Variants in RARB observed in about 807,000 individuals in gnomAD.
RARB encodes the protein retinoic acid receptor beta.
Under a neutral mutation model 51.9 loss-of-function variants are expected in RARB, and 17 were observed. That is an observed-to-expected ratio of 0.33 (90% confidence interval 0.22 to 0.49). The LOEUF (loss-of-function observed/expected upper bound fraction) is 0.49. Ranked by LOEUF, RARB falls within the 20% of genes least tolerant of loss-of-function variation. RARB has a pLI of 0.99. For missense variants in RARB, 369 were observed against 550.8 expected (o/e 0.67, Z 3.30); for synonymous variants, 215 against 195.4 (o/e 1.10, Z -0.84).
intron 2 of RARB, among the ~76,000 whole-genome samples, chr3:24,972,444 T>A (rs1201261914): frequency 1.3e-5 from 2 of 152,114 alleles, no homozygotes. Flanking sequence ...CATGCTGCAA[T>A]AAACATTGCA....
In RARB at chr3:25,205,718, A is replaced by G. The variant is rs555635593; in HGVS notation, c.178+31143A>G. ...GTGCATCTATTATGTACCCATAAAAATAAAAAATAAAAACAAATATTAAAA... is the reference window on the plus strand; with the variant it reads ...GTGCATCTATTATGTACCCATAAAAGTAAAAAATAAAAACAAATATTAAAA... On this transcript the variant is annotated intron_variant, in intron 5 of 11. Coordinates refer to the RARB transcript ENST00000383772. 4.4e-4 allele frequency among the ~76,000 whole-genome samples: 67 copies of G among 152,160 alleles called. 1 individual carries two copies. The South Asian group carries it at 0.014, about 31-fold the overall frequency.
At chr3:25,080,258 G>A (rs1185320389) in intron 3 of RARB, among the ~76,000 whole-genome samples, 1 of 152,046 alleles carries the variant, frequency 6.6e-6, no homozygotes, top group African/African-American at 2.4e-5. Flanking sequence ...GCATGTATCA[G>A]AGCTTTATTT....
chr3:25,169,158 A>G (rs1013525376), intron 4 of RARB, among the ~76,000 whole-genome samples: 2 of 152,204 alleles, frequency 1.3e-5, no homozygotes, highest in Non-Finnish European at 2.9e-5. Flanking sequence ...AGTCTCAAAA[A>G]ATTTACCTCC....
intron 2 of RARB, among the ~76,000 whole-genome samples, chr3:24,920,692 T>A (rs1013845955): frequency 4.6e-5 from 7 of 152,176 alleles, no homozygotes; most frequent in African/African-American, 1.7e-4. Context: ...TGAGTTCCAT[T>A]TCTGGTTATG....
intron 5 of RARB, among the ~76,000 whole-genome samples, chr3:25,223,696 A>G (rs1701995566): frequency 6.6e-6 from 1 of 152,206 alleles, no homozygotes; most frequent in South Asian, 2.1e-4. Flanking sequence ...GTCCCTCAAA[A>G]TAAGAGTAAA....
intron 1 of RARB, among the ~76,000 whole-genome samples, chr3:25,438,834 A>G (rs1321239577): frequency 2.0e-5 from 3 of 152,250 alleles, no homozygotes; most frequent in Non-Finnish European, 2.9e-5. Context: ...AGAGAGGTAA[A>G]GAACTGTAAC....
chr3:25,127,131 A>G (rs1214434651), intron 3 of RARB, among the ~76,000 whole-genome samples: 2 of 152,118 alleles, frequency 1.3e-5, no homozygotes, highest in Non-Finnish European at 2.9e-5. Context: ...GAACCAGGTG[A>G]TCTTGGAAGA....
intron 2 of RARB, among the ~76,000 whole-genome samples, chr3:24,901,432 G>A (rs927588726): frequency 3.3e-5 from 5 of 152,088 alleles, no homozygotes; most frequent in African/African-American, 1.2e-4. Context: ...TTTGAGACAG[G>A]ACCTCACTAT....
intron 2 of RARB, among the ~76,000 whole-genome samples, chr3:25,008,982 G>A (rs1178604931): frequency 6.6e-6 from 1 of 152,112 alleles, no homozygotes; most frequent in Non-Finnish European, 1.5e-5. Flanking sequence ...AGATCTGAGT[G>A]CTTCAAAGTT....
At chr3:24,962,222 C>T (rs1458336950) in intron 2 of RARB, among the ~76,000 whole-genome samples, 2 of 151,430 alleles carry the variant, frequency 1.3e-5, no homozygotes, top group African/African-American at 4.8e-5. Context: ...AGCCACCTCG[C>T]CCGGCCCCTT....
intron 2 of RARB, among the ~76,000 whole-genome samples, chr3:24,975,920 G>A (rs1696501623): frequency 6.6e-6 from 1 of 152,100 alleles, no homozygotes; most frequent in Non-Finnish European, 1.5e-5. Context: ...CCCTGCCCTA[G>A]CCCTCCACCC....
At chr3:25,350,606 C>T (rs1400014743) in intron 5 of RARB, among the ~76,000 whole-genome samples, 4 of 152,184 alleles carry the variant, frequency 2.6e-5, no homozygotes, top group Non-Finnish European at 4.4e-5. Context: ...TTGTCTGTTT[C>T]CCTCCAGTCA....
chr3:25,508,630 C>G (rs773960861), intron 3 of RARB, among the ~76,000 whole-genome samples: 1 of 152,088 alleles, frequency 6.6e-6, no homozygotes, highest in Non-Finnish European at 1.5e-5. Context: ...TTCATTTGTT[C>G]CCGTGTTAGA....
chr3:24,954,167 C>A (rs1343772492), intron 2 of RARB, among the ~76,000 whole-genome samples: 1 of 152,100 alleles, frequency 6.6e-6, no homozygotes, highest in Non-Finnish European at 1.5e-5. Context: ...AACACTCCTG[C>A]CAGATTGTGA....
intron 1 of RARB, among the ~76,000 whole-genome samples, chr3:25,435,076 T>C (rs1365193377): frequency 6.6e-6 from 1 of 152,174 alleles, no homozygotes; most frequent in Non-Finnish European, 1.5e-5. Flanking sequence ...GGATTTTATT[T>C]CTTAAAATTC....
At chr3:24,920,583 G>C (rs1343381330) in intron 2 of RARB, among the ~76,000 whole-genome samples, 1 of 151,490 alleles carries the variant, frequency 6.6e-6, no homozygotes. Context: ...AAGAGAGTGT[G>C]GCATGGCCTT....
At chr3:25,261,335 C>T (rs1702992469) in intron 5 of RARB, among the ~76,000 whole-genome samples, 1 of 152,046 alleles carries the variant, frequency 6.6e-6, no homozygotes, top group Non-Finnish European at 1.5e-5. Flanking sequence ...TCCCTTGGCT[C>T]CTAGAACACC....
chr3:25,011,700 T>A (rs1411891463), intron 2 of RARB, among the ~76,000 whole-genome samples: 1 of 152,120 alleles, frequency 6.6e-6, no homozygotes, highest in South Asian at 2.1e-4. Flanking sequence ...TCATACCTAC[T>A]CTGGCAATTA....
intron 5 of RARB, among the ~76,000 whole-genome samples, chr3:25,227,993 T>C (rs748515570): frequency 3.3e-5 from 5 of 152,122 alleles, no homozygotes; most frequent in Non-Finnish European, 7.4e-5. Context: ...AATGTCGCTA[T>C]GTGGAAGTTT....
Sources: gnomAD v4.1 joint callset for allele counts (sites outside exome capture counted in the v4.1 genomes callset) on GRCh38, gnomAD v4.1.1 for gene constraint, MANE v1.5 for transcripts, NCBI Gene and HGNC (gene_info 2026-07-23, HGNC 2026-07-21) for gene names.